The following SLX4IP variants were observed in gnomAD, a reference collection of about 807,000 sequenced individuals.
The protein encoded by SLX4IP is protein SLX4IP.
SLX4IP carries 34 observed loss-of-function variants against 32.9 expected under a neutral mutation model. The observed-to-expected ratio is 1.03, with a 90% CI of 0.79 to 1.38. The LOEUF (loss-of-function observed/expected upper bound fraction) is 1.38, where lower values mean the gene tolerates loss of function less well. Among genes scored for constraint, SLX4IP ranks in the 40% most tolerant of loss-of-function variants. The pLI is 0.00. For synonymous variants in SLX4IP, 172 were observed against 171.7 expected, an observed-to-expected ratio of 1.00 and a Z score of -0.01; for missense variants, 444 against 479.0, an observed-to-expected ratio of 0.93 and a Z score of 0.68.
intron 2 of SLX4IP, among the ~76,000 whole-genome samples, chr20:10,485,988 G>A (rs2065569700): frequency 1.3e-5 from 2 of 152,022 alleles, no homozygotes; most frequent in African/African-American, 4.8e-5. Flanking sequence ...AAGAAGTGGA[G>A]GAGGTAGGAT....
chr20:10,449,963 A>C (rs6077800), intron 1 of SLX4IP, among the ~76,000 whole-genome samples: 74,140 of 151,366 alleles, frequency 0.49, 19,608 homozygotes, highest in Non-Finnish European at 0.6. Context: ...AAAAAAAAAA[A>C]CCCACAAAAA....
In SLX4IP at chr20:10,448,439, C is replaced by T. The variant is rs372021017; in HGVS notation, c.-29-9737C>T. Among the ~76,000 whole-genome samples, 62 of 152,256 alleles carry T rather than the reference C, an allele frequency of 4.1e-4. 1 individual carries two copies. In the South Asian group the frequency reaches 4.6e-3, roughly 11 times the overall value. On this transcript the variant is annotated intron_variant, in intron 1 of 7. Coordinates refer to ENST00000334534, the MANE Select transcript of SLX4IP (RefSeq NM_001009608.3). ...GGACACTTTGCACTGTACCATGACC[C>T]GGTGATTTCATCATTATAGAAACCC...
At chr20:10,464,676 A>C (rs1007955244) in intron 2 of SLX4IP, among the ~76,000 whole-genome samples, 1 of 152,216 alleles carries the variant, frequency 6.6e-6, no homozygotes, top group Non-Finnish European at 1.5e-5. Context: ...AAATAGTTTG[A>C]CACTTCATCT....
chr20:10,581,117 T>C (rs1009779704), intron 4 of SLX4IP, among the ~76,000 whole-genome samples: 3 of 151,712 alleles, frequency 2.0e-5, no homozygotes, highest in African/African-American at 7.3e-5. Context: ...CTCTAATGCA[T>C]GGGGAAGGGG....
intron 6 of SLX4IP, chr20:10,613,824 T>G: frequency 6.2e-7 from 1 of 1,610,498 alleles, no homozygotes; most frequent in Non-Finnish European, 8.5e-7. Flanking sequence ...CAGATAGGCC[T>G]GCTTAATATC....
chr20:10,574,933 A>G (rs944021234), intron 4 of SLX4IP, among the ~76,000 whole-genome samples: 4 of 152,008 alleles, frequency 2.6e-5, no homozygotes, highest in Non-Finnish European at 4.4e-5. Context: ...TTGGCCTCCA[A>G]AAGTGCTGGG....
At chr20:10,458,262 A>C in intron 2 of SLX4IP, 31 bp downstream of exon 2, 1 of 1,546,396 alleles carries the variant, frequency 6.5e-7, no homozygotes, top group Non-Finnish European at 8.7e-7. Flanking sequence ...TTTTAAAAAG[A>C]GGCTAATCAC....
At chr20:10,440,145 TTA>T (rs1491074787) in intron 1 of SLX4IP, among the ~76,000 whole-genome samples, 16 of 151,564 alleles carry the variant, frequency 1.1e-4, no homozygotes, top group Admixed American at 1.3e-4. Context: ...CATTTTTTTT[TTA>T]TTTTTTGCAT....
chr20:10,616,692 G>C (rs949365009), intron 6 of SLX4IP, among the ~76,000 whole-genome samples: 21 of 152,042 alleles, frequency 1.4e-4, no homozygotes, highest in African/African-American at 4.8e-4. Context: ...TGCTTTTGTG[G>C]CTTGTCCTTC....
intron 2 of SLX4IP, among the ~76,000 whole-genome samples, chr20:10,463,549 CAG>C (rs1341536962): frequency 6.6e-6 from 1 of 152,034 alleles, no homozygotes; most frequent in African/African-American, 2.4e-5. Context: ...TGGAAGAAGA[CAG>C]AGGGTTCCAT....
intron 3 of SLX4IP, 70 bp from the exon 4 acceptor site, chr20:10,560,630 C>T: frequency 8.4e-7 from 1 of 1,187,742 alleles, no homozygotes; most frequent in Non-Finnish European, 1.1e-6. Flanking sequence ...TCATTGTTAA[C>T]TTTTTAATAT....
chr20:10,601,664 T>C (rs2066843434), intron 5 of SLX4IP, 67 bp from the exon 6 acceptor site: 1 of 1,357,998 alleles, frequency 7.4e-7, no homozygotes, highest in Admixed American at 1.8e-5. Context: ...AACAAAAATC[T>C]GGAACAACCA....
intron 2 of SLX4IP, among the ~76,000 whole-genome samples, chr20:10,534,644 G>A (rs1050206251): frequency 2.0e-5 from 3 of 152,156 alleles, no homozygotes; most frequent in East Asian, 3.9e-4. Context: ...TTCAGCTCCT[G>A]GCGCAGGGCT....
intron 6 of SLX4IP, among the ~76,000 whole-genome samples, chr20:10,604,438 T>C (rs1468503573): frequency 6.6e-6 from 1 of 151,850 alleles, no homozygotes; most frequent in Non-Finnish European, 1.5e-5. Context: ...GACAATTTGT[T>C]AGGAAATCTG....
chr20:10,618,509 G>C (rs1200913789), intron 6 of SLX4IP, among the ~76,000 whole-genome samples: 1 of 152,234 alleles, frequency 6.6e-6, no homozygotes. Flanking sequence ...CCAAGTGTAA[G>C]AGCTACCTTC....
intron 1 of SLX4IP, among the ~76,000 whole-genome samples, chr20:10,441,412 G>T (rs1005936584): frequency 6.6e-6 from 1 of 152,050 alleles, no homozygotes; most frequent in Non-Finnish European, 1.5e-5. Flanking sequence ...ACTGCAGCCC[G>T]GGCAACAGAC....
At chr20:10,474,737 G>C (rs225150) in intron 2 of SLX4IP, among the ~76,000 whole-genome samples, 2 of 152,116 alleles carry the variant, frequency 1.3e-5, no homozygotes, top group African/African-American at 4.8e-5. Flanking sequence ...CCAAACTTCC[G>C]AAGTGAAAAG....
chr20:10,621,143 C>A (rs534286165), intron 6 of SLX4IP, among the ~76,000 whole-genome samples, 171 bp from the exon 7 acceptor site: 1 of 152,324 alleles, frequency 6.6e-6, no homozygotes, highest in East Asian at 1.9e-4. Flanking sequence ...AAAGAAGTTA[C>A]AATTAACCAT....
intron 2 of SLX4IP, among the ~76,000 whole-genome samples, chr20:10,529,783 C>A (rs985982970): frequency 2.6e-5 from 4 of 152,056 alleles, no homozygotes; most frequent in African/African-American, 9.7e-5. Flanking sequence ...TGAATATAAA[C>A]CACCTCAAGC....
Sources: gnomAD v4.1 joint callset for allele counts (sites outside exome capture counted in the v4.1 genomes callset) on GRCh38, gnomAD v4.1.1 for gene constraint, MANE v1.5 for transcripts, NCBI Gene and HGNC (gene_info 2026-07-23, HGNC 2026-07-21) for gene names.